Variants in AACS observed in about 807,000 individuals in gnomAD.
AACS encodes acetoacetyl-CoA synthetase, also known as acetoacetate-CoA ligase.
Under a neutral mutation model 83.1 loss-of-function variants are expected in AACS, and 69 were observed. The ratio of observed to expected loss-of-function variants is 0.83; its 90% CI spans 0.68 to 1.01. The LOEUF is 1.01. AACS is among the 50% of genes least tolerant of loss of function. The probability of loss-of-function intolerance (pLI) is 0.00; values close to 1 mark genes in which losing one functional copy is unlikely to be tolerated. For synonymous variants in AACS, 333 were observed against 343.4 expected (o/e 0.97, Z 0.33); for missense variants, 866 against 882.2 (o/e 0.98, Z 0.23).
chr12:125,111,127 G>T (rs1439198975), intron 8 of AACS, among the ~76,000 whole-genome samples: 1 of 152,216 alleles, frequency 6.6e-6, no homozygotes, highest in African/African-American at 2.4e-5. Context: ...TTTGCAGGCA[G>T]CGAGCTGTCC....
chr12:125,134,151 T>C (rs1593009961), intron 15 of AACS, 79 bp downstream of exon 15: 1 of 1,499,428 alleles, frequency 6.7e-7, no homozygotes, highest in Non-Finnish European at 9.0e-7. Context: ...AGGTGCTTTC[T>C]ATAAAAGTCA....
intron 1 of AACS, among the ~76,000 whole-genome samples, chr12:125,070,966 C>T (rs1384562852): frequency 1.3e-5 from 2 of 152,170 alleles, no homozygotes; most frequent in African/African-American, 4.8e-5. Flanking sequence ...CAAATCAGCC[C>T]AAAAGTTAGC....
chr12:125,080,285 G>A (rs748074828), intron 3 of AACS, among the ~76,000 whole-genome samples: 1 of 152,004 alleles, frequency 6.6e-6, no homozygotes, highest in Non-Finnish European at 1.5e-5. Context: ...ATGAGCTCCT[G>A]GTTTCTCCTG....
rs759364579 is a variant in AACS at position 125,128,293 on chromosome 12, GT to G, written c.1423+22del. The G allele has an allele frequency of 6.3e-7, 1 of 1,597,314 alleles. No individual in the cohort carries two copies. The highest frequency in any genetic ancestry group is 1.3e-5 in the African/African-American group (1 of 74,450). On this transcript the variant is annotated intron_variant, in intron 13 of 17. Coordinates refer to ENST00000316519, the MANE Select transcript of AACS (RefSeq NM_023928.5). ...GAGGAAGGTGATGGCTCCACCAACT[GT>G]TTCTTTCTGTGATTAGGCGTGAGTT...
At chr12:125,137,003 C>T (rs1157851020) in intron 17 of AACS, 139 bp downstream of exon 17, 23 of 812,494 alleles carry the variant, frequency 2.8e-5, no homozygotes, top group Non-Finnish European at 4.0e-5. Context: ...CATCCTCTCC[C>T]TGCCATCCTT....
In AACS at chr12:125,091,548, G is replaced by A. The variant is rs370163344; in HGVS notation, c.570+25G>A. 1,218 of 1,611,628 alleles carry A rather than the reference G, an allele frequency of 7.6e-4. 2 individuals carry two copies. The highest frequency in any genetic ancestry group is 9.8e-4 in the Non-Finnish European group (1,158 of 1,177,844). ...TGTGAGTCAGGGTCTGTGACAGAGGGGGCACCCCTTGCCCTGTGAGCATCC... is the reference window on the plus strand; with the variant it reads ...TGTGAGTCAGGGTCTGTGACAGAGGAGGCACCCCTTGCCCTGTGAGCATCC... On this transcript the variant is annotated intron_variant, in intron 5 of 17. Transcript: ENST00000316519.
At chr12:125,088,694 C>T (rs1464010987) in intron 4 of AACS, among the ~76,000 whole-genome samples, 2 of 152,178 alleles carry the variant, frequency 1.3e-5, no homozygotes, top group Non-Finnish European at 2.9e-5. Flanking sequence ...TTGAAGCAAA[C>T]GTTTCTGAGT....
intron 1 of AACS, among the ~76,000 whole-genome samples, chr12:125,070,700 A>G (rs1955838227): frequency 6.6e-6 from 1 of 152,188 alleles, no homozygotes; most frequent in Admixed American, 6.5e-5. Flanking sequence ...GGCACCTGAT[A>G]TGTATCAACT....
At chr12:125,077,074 ATTTT>A (rs36067220) in intron 3 of AACS, among the ~76,000 whole-genome samples, 3 of 121,252 alleles carry the variant, frequency 2.5e-5, no homozygotes, top group Admixed American at 8.8e-5. Context: ...TGCATGGCTG[ATTTT>A]TTTTTTTTTT....
At chr12:125,080,692 T>G (rs937549227) in intron 3 of AACS, among the ~76,000 whole-genome samples, 2 of 151,752 alleles carry the variant, frequency 1.3e-5, no homozygotes, top group African/African-American at 4.8e-5. Flanking sequence ...TTATTATTAT[T>G]AATTTTTTAT....
At chr12:125,101,487 T>C (rs1365846871) in intron 5 of AACS, 1 of 152,128 alleles carries the variant, frequency 6.6e-6, no homozygotes, top group Non-Finnish European at 1.5e-5. Flanking sequence ...AGGATTCAGG[T>C]TCCTCTTTAA....
intron 2 of AACS, among the ~76,000 whole-genome samples, chr12:125,074,811 G>C (rs921849550): frequency 1.2e-4 from 18 of 150,450 alleles, no homozygotes; most frequent in Admixed American, 1.2e-3. Context: ...TTACAGTCAT[G>C]CACCACCACG....
intron 3 of AACS, chr12:125,078,373 C>T: frequency 2.2e-6 from 1 of 454,848 alleles, no homozygotes; most frequent in South Asian, 1.6e-5. Context: ...TGGGGCTGGT[C>T]AGTGTTCCAT....
rs2136075693 is a variant in AACS, at chr12:125,091,506, C to G, written c.553C>G (p.Pro185Ala). The change falls in exon 5 of 18, where the codon CCG becomes GCG. Residue 185 changes from proline to alanine, a missense_variant. Physicochemically the swap from Pro to Ala is conservative, Grantham distance 27 (BLOSUM62 -1). Transcript: ENST00000316519. ...TGGTGCCATCTGGAGCTCCACGTCC[C>G]CGGACTTCGGTGTGAATGTGAGTCA... ...SIGAIWSSTS[P>A]DFGVNGVLDR... The G allele has an allele frequency of 2.5e-6, 4 of 1,614,240 alleles. No individual in the cohort carries two copies. The highest frequency in any genetic ancestry group is 2.5e-6 in the Non-Finnish European group (3 of 1,180,048).
Position 125,102,755 on chromosome 12 carries a change from A to G in AACS, c.647A>G (p.Glu216Gly), listed in dbSNP as rs1956740960. Residue 216 changes from glutamate (E) to glycine (G), a missense_variant, in exon 6 of 18, where the codon GAG becomes GGG. Transcript: ENST00000316519. ...SVEAVVYNGK[E>G]HNHMEKLQQV... ...GAGGCTGTTGTCTATAATGGCAAAG[A>G]GCACAACCACATGGAAAAGCTGCAG... 1 of 1,614,050 alleles carries G rather than the reference A, an allele frequency of 6.2e-7. No homozygotes were observed. The highest frequency in any genetic ancestry group is 1.1e-5 in the South Asian group (1 of 91,092).
At position 125,125,015 on chromosome 12, in the gene AACS, T is replaced by G. The variant is rs1021897925; in HGVS notation, c.1300T>G (p.Ser434Ala). ...RCIKSSILLG[S>A]ISGGTDIISC... Reference sequence around the variant, plus strand: ...CATCAAGAGCAGCATCCTCCTGGGCTCCATCTCAGGTATGGCCCCGGTGGG... The same window carrying G: ...CATCAAGAGCAGCATCCTCCTGGGCGCCATCTCAGGTATGGCCCCGGTGGG... The change falls in exon 12 of 18, where the codon TCC (serine) becomes GCC (alanine). Residue 434 changes from serine (S) to alanine (A), a missense_variant. By Grantham distance (99) the Ser-to-Ala change is moderately conservative. Transcript: ENST00000316519. The G allele has an allele frequency of 1.9e-6, 3 of 1,614,120 alleles. No homozygotes were observed. In the South Asian group the frequency reaches 3.3e-5, roughly 18 times the overall value.
At position 125,097,517 on chromosome 12, in the gene AACS, G is replaced by A. The variant is rs1388135436; in HGVS notation, c.571-5162G>A. On this transcript the variant is annotated intron_variant, in intron 5 of 17. Coordinates refer to ENST00000316519, the MANE Select transcript of AACS (RefSeq NM_023928.5). The surrounding 1 kb of genome is among the most constrained non-coding windows in gnomAD (Gnocchi z 4.3). ...ACAGTCATTCCCTTGTCCCCCACCCGCCCGCCGTGAACTTTGCTGAGGGGC... is the reference window on the plus strand; with the variant it reads ...ACAGTCATTCCCTTGTCCCCCACCCACCCGCCGTGAACTTTGCTGAGGGGC... Among the ~76,000 whole-genome samples the A allele has an allele frequency of 2.7e-5, 4 of 147,790 alleles. No homozygotes were observed. Among genetic ancestry groups the A allele is most frequent in the Non-Finnish European group, 6.0e-5 (4 of 66,960 alleles).
intron 2 of AACS, among the ~76,000 whole-genome samples, chr12:125,075,451 C>T (rs1955998887): frequency 6.6e-6 from 1 of 151,398 alleles, no homozygotes; most frequent in Non-Finnish European, 1.5e-5. Context: ...GCCACCACGC[C>T]CGGCTAATTT....
At chr12:125,073,075 C>T (rs1357390919) in intron 1 of AACS, among the ~76,000 whole-genome samples, 3 of 151,808 alleles carry the variant, frequency 2.0e-5, no homozygotes, top group African/African-American at 7.3e-5. Flanking sequence ...TACAGGCACC[C>T]GCCACCATGC....
Sources: allele counts gnomAD v4.1 joint callset (sites outside exome capture counted in the v4.1 genomes callset), GRCh38; gene constraint gnomAD v4.1.1; non-coding constraint Gnocchi (gnomAD v3.1); transcripts MANE v1.5; gene names NCBI Gene and HGNC (gene_info 2026-07-23, HGNC 2026-07-21).